The following MTHFD2L variants were observed in gnomAD, a reference collection of about 807,000 sequenced individuals.
MTHFD2L encodes the protein bifunctional methylenetetrahydrofolate dehydrogenase/cyclohydrolase 2, mitochondrial.
In MTHFD2L, 29 loss-of-function variants were observed where a neutral mutation model predicts 34.9. The ratio of observed to expected loss-of-function variants is 0.83; its 90% CI spans 0.62 to 1.13. MTHFD2L has a LOEUF of 1.13. MTHFD2L is among the 50% of genes most tolerant of loss of function. MTHFD2L has a pLI of 0.00. For missense variants in MTHFD2L, 481 were observed against 446.5 expected (o/e 1.08, Z -0.70); for synonymous variants, 167 against 155.7 (o/e 1.07, Z -0.54).
At chr4:74,124,256 G>A (rs975454111), upstream of MTHFD2L, among the ~76,000 whole-genome samples, 5 of 150,858 alleles carry the variant, frequency 3.3e-5, no homozygotes, top group South Asian at 2.1e-4. Flanking sequence ...TTGCTTTTTC[G>A]TTTTATCAGC....
chr4:74,296,043 A>T (rs2110324606), intron 7 of MTHFD2L, among the ~76,000 whole-genome samples: 3 of 152,240 alleles, frequency 2.0e-5, no homozygotes, highest in African/African-American at 7.2e-5. Flanking sequence ...TCCCAACTAG[A>T]CTAAAAGCTC....
chr4:74,125,470 C>G (rs577650368), exon 1 of MTHFD2L: 3 of 152,192 alleles, frequency 2.0e-5, no homozygotes, highest in African/African-American at 4.8e-5. Context: ...AGACCTCTGC[C>G]TGAACATACA....
At chr4:74,253,941 G>A (rs538987693) in intron 6 of MTHFD2L, among the ~76,000 whole-genome samples, 19 of 152,130 alleles carry the variant, frequency 1.2e-4, no homozygotes, top group Non-Finnish European at 2.2e-4. Context: ...ACAGGCACCA[G>A]ATCTGCCTTG....
At chr4:74,115,964 A>C (rs1721649668) in intron 2 of MTHFD2L, among the ~76,000 whole-genome samples, 1 of 152,310 alleles carries the variant, frequency 6.6e-6, no homozygotes, top group East Asian at 1.9e-4. Flanking sequence ...AAAAAATATA[A>C]AGTATTTGTA....
chr4:74,175,045 T>C (rs1260286807), intron 2 of MTHFD2L, among the ~76,000 whole-genome samples: 1 of 152,172 alleles, frequency 6.6e-6, no homozygotes, highest in Non-Finnish European at 1.5e-5. Context: ...TCTCTTCAAA[T>C]CTACTAACAG....
At chr4:74,136,945 T>A (rs923057453) in intron 1 of MTHFD2L, among the ~76,000 whole-genome samples, 1 of 152,080 alleles carries the variant, frequency 6.6e-6, no homozygotes, top group African/African-American at 2.4e-5. Flanking sequence ...GACCCCTATC[T>A]CTCACCATAC....
chr4:74,118,079 A>C (rs1450257311), intron 2 of MTHFD2L, among the ~76,000 whole-genome samples: 3 of 152,198 alleles, frequency 2.0e-5, no homozygotes, highest in Non-Finnish European at 2.9e-5. Flanking sequence ...TGCTTGGTAC[A>C]TAGGGTGTTG....
intron 6 of MTHFD2L, among the ~76,000 whole-genome samples, chr4:74,249,547 C>T (rs1231165391): frequency 1.3e-5 from 2 of 151,430 alleles, no homozygotes; most frequent in Non-Finnish European, 2.9e-5. Flanking sequence ...TTATTTTGCT[C>T]GTTAGTTGAT....
intron 1 of MTHFD2L, chr4:74,161,725 A>G (rs1578292605): frequency 6.6e-6 from 1 of 152,322 alleles, no homozygotes; most frequent in Middle Eastern, 3.4e-3. Flanking sequence ...AAGTTCTTTA[A>G]TGAGCCAAAT....
intron 1 of MTHFD2L, among the ~76,000 whole-genome samples, chr4:74,126,230 T>C (rs1237907901): frequency 6.6e-6 from 1 of 152,184 alleles, no homozygotes; most frequent in Non-Finnish European, 1.5e-5. Flanking sequence ...TTGATAGAAA[T>C]AATAGTTAAG....
chr4:74,193,001 T>A (rs1398492341), intron 3 of MTHFD2L, among the ~76,000 whole-genome samples: 2 of 152,168 alleles, frequency 1.3e-5, no homozygotes, highest in Non-Finnish European at 2.9e-5. Flanking sequence ...TTTTGTGTTA[T>A]TTTTAAGAAA....
intron 1 of MTHFD2L, among the ~76,000 whole-genome samples, chr4:74,131,967 C>G (rs1722544134): frequency 1.3e-5 from 2 of 151,720 alleles, no homozygotes; most frequent in Middle Eastern, 3.4e-3. Context: ...TTTATGCGGC[C>G]AAAAAAACAT....
At chr4:74,163,353 AAG>A (rs1391625224) in intron 1 of MTHFD2L, among the ~76,000 whole-genome samples, 10 of 152,216 alleles carry the variant, frequency 6.6e-5, no homozygotes, top group Non-Finnish European at 2.9e-5. Flanking sequence ...TGTTCTGAGA[AAG>A]AGTCCACAGG....
intron 6 of MTHFD2L, among the ~76,000 whole-genome samples, chr4:74,277,574 T>C (rs1269346760): frequency 6.6e-6 from 1 of 152,082 alleles, no homozygotes; most frequent in African/African-American, 2.4e-5. Context: ...CTTCTTTATT[T>C]TGAATATTGC....
intron 6 of MTHFD2L, among the ~76,000 whole-genome samples, chr4:74,253,164 C>G (rs900316100): frequency 1.3e-5 from 2 of 152,074 alleles, no homozygotes; most frequent in Non-Finnish European, 2.9e-5. Flanking sequence ...ATATAAGGAA[C>G]CAGAAATCTG....
At chr4:74,231,637 G>T (rs1740080763) in intron 6 of MTHFD2L, among the ~76,000 whole-genome samples, 1 of 152,094 alleles carries the variant, frequency 6.6e-6, no homozygotes, top group South Asian at 2.1e-4. Flanking sequence ...AAATGCACAG[G>T]CCTTTCTAAA....
At chr4:74,206,362 C>T (rs1235771528) in intron 5 of MTHFD2L, among the ~76,000 whole-genome samples, 5 of 152,054 alleles carry the variant, frequency 3.3e-5, no homozygotes, top group Admixed American at 3.3e-4. Flanking sequence ...GGGTTGTTAA[C>T]CAGGGGCCTT....
chr4:74,130,678 A>G (rs11737357), intron 1 of MTHFD2L, among the ~76,000 whole-genome samples: 75,658 of 151,864 alleles, frequency 0.5, 21,263 homozygotes, highest in Admixed American at 0.63. Flanking sequence ...AACCGGCACA[A>G]GACAAGGATG....
At chr4:74,239,947 C>T (rs922523659) in intron 6 of MTHFD2L, among the ~76,000 whole-genome samples, 1 of 152,128 alleles carries the variant, frequency 6.6e-6, no homozygotes, top group South Asian at 2.1e-4. Context: ...ATACATCCTT[C>T]CCAGGGTAGT....
Sources: allele counts gnomAD v4.1 joint callset (sites outside exome capture counted in the v4.1 genomes callset), GRCh38; gene constraint gnomAD v4.1.1; transcripts MANE v1.5; gene names NCBI Gene and HGNC (gene_info 2026-07-23, HGNC 2026-07-21).